ENOX1: variants seen among roughly 807,000 people sequenced by gnomAD.
ENOX1 encodes ecto-NOX disulfide-thiol exchanger 1.
Under a neutral mutation model 82.5 loss-of-function variants are expected in ENOX1, and 42 were observed. The ratio of observed to expected loss-of-function variants is 0.51; its 90% CI spans 0.40 to 0.66. ENOX1 has a LOEUF of 0.66. ENOX1 is among the 30% of genes least tolerant of loss of function. The probability of loss-of-function intolerance (pLI) is 0.00; values close to 1 mark genes in which losing one functional copy is unlikely to be tolerated. For synonymous variants in ENOX1, 271 were observed against 282.2 expected, an observed-to-expected ratio of 0.96 and a Z score of 0.40; for missense variants, 608 against 811.6, an observed-to-expected ratio of 0.75 and a Z score of 3.05.
chr13:43,742,457 G>C (rs1448440206), intron 1 of ENOX1, among the ~76,000 whole-genome samples: 1 of 152,088 alleles, frequency 6.6e-6, no homozygotes, highest in Non-Finnish European at 1.5e-5. Context: ...GTGAGTGTGA[G>C]AGTGTGTTAG....
At chr13:43,747,310 C>T (rs1349071710) in intron 1 of ENOX1, among the ~76,000 whole-genome samples, 2 of 152,034 alleles carry the variant, frequency 1.3e-5, no homozygotes, top group African/African-American at 4.8e-5. Context: ...TTATTGTGCA[C>T]AAAAAGAAGG....
At chr13:43,517,693 AT>A (rs1369129862) in intron 2 of ENOX1, among the ~76,000 whole-genome samples, 2 of 152,124 alleles carry the variant, frequency 1.3e-5, no homozygotes, top group African/African-American at 4.8e-5. Flanking sequence ...TATGGTCTGA[AT>A]GTGTGTGTCT....
At chr13:43,747,205 C>A (rs898741276) in intron 1 of ENOX1, among the ~76,000 whole-genome samples, 1 of 152,120 alleles carries the variant, frequency 6.6e-6, no homozygotes, top group Admixed American at 6.5e-5. Context: ...AAGTAACAAA[C>A]AACTGAGAGC....
At chr13:43,735,611 C>G (rs61960103) in intron 1 of ENOX1, among the ~76,000 whole-genome samples, 8,863 of 152,176 alleles carry the variant, frequency 0.058, 359 homozygotes, top group Non-Finnish European at 0.088. Flanking sequence ...GTCCCAGCTA[C>G]TTGGGAGGCT....
At chr13:43,261,251 G>C (rs2044039567) in intron 14 of ENOX1, among the ~76,000 whole-genome samples, 1 of 152,160 alleles carries the variant, frequency 6.6e-6, no homozygotes, top group Non-Finnish European at 1.5e-5. Context: ...TTGAGACTAA[G>C]ACAAATGAGG....
At chr13:43,560,270 A>C (rs1403565878) in intron 2 of ENOX1, among the ~76,000 whole-genome samples, 3 of 152,126 alleles carry the variant, frequency 2.0e-5, no homozygotes, top group Non-Finnish European at 4.4e-5. Context: ...CTTTTAGGTT[A>C]CTTCTGAGTT....
intron 1 of ENOX1, among the ~76,000 whole-genome samples, chr13:43,710,824 A>G (rs1354242648): frequency 2.0e-5 from 3 of 152,006 alleles, no homozygotes; most frequent in Non-Finnish European, 4.4e-5. Context: ...AACAATAATC[A>G]AGTAGAAAAA....
chr13:43,782,968 G>A (rs1307079863), intron 1 of ENOX1, among the ~76,000 whole-genome samples: 1 of 152,156 alleles, frequency 6.6e-6, no homozygotes, highest in Non-Finnish European at 1.5e-5. Context: ...CAGGGACACA[G>A]GCACCCCACA....
intron 2 of ENOX1, among the ~76,000 whole-genome samples, chr13:43,496,554 A>G (rs1205706788): frequency 6.6e-6 from 1 of 151,572 alleles, no homozygotes; most frequent in African/African-American, 2.4e-5. Flanking sequence ...AGCTACTTTG[A>G]CTATTTATTT....
intron 1 of ENOX1, among the ~76,000 whole-genome samples, chr13:43,703,935 C>A (rs1028484363): frequency 6.6e-6 from 1 of 151,852 alleles, no homozygotes; most frequent in Non-Finnish European, 1.5e-5. Flanking sequence ...ATCCCTTCCT[C>A]ATGCTCAAAC....
intron 12 of ENOX1, among the ~76,000 whole-genome samples, chr13:43,282,523 G>A (rs1055500104): frequency 1.3e-4 from 19 of 149,978 alleles, no homozygotes; most frequent in Non-Finnish European, 2.2e-4. Flanking sequence ...CTGCAGCCTC[G>A]ACCTCCTAGG....
At chr13:43,555,654 T>A (rs886508362) in intron 2 of ENOX1, among the ~76,000 whole-genome samples, 1 of 152,166 alleles carries the variant, frequency 6.6e-6, no homozygotes, top group African/African-American at 2.4e-5. Context: ...TCAGTCTACC[T>A]ACATGGAAGC....
intron 11 of ENOX1, among the ~76,000 whole-genome samples, chr13:43,316,747 C>G (rs1027104993): frequency 4.0e-5 from 6 of 151,156 alleles, no homozygotes; most frequent in Non-Finnish European, 8.8e-5. Context: ...TATTTGAATT[C>G]CTTGGGCAAG....
chr13:43,302,756 C>T (rs766774801), intron 11 of ENOX1, among the ~76,000 whole-genome samples: 95 of 152,082 alleles, frequency 6.2e-4, no homozygotes, highest in Admixed American at 2.1e-3. Context: ...ACTGTGTTTC[C>T]ATGGGAACAG....
At chr13:43,574,410 T>G (rs1196925407) in intron 2 of ENOX1, among the ~76,000 whole-genome samples, 1 of 152,156 alleles carries the variant, frequency 6.6e-6, no homozygotes, top group African/African-American at 2.4e-5. Flanking sequence ...GAAAGAATCC[T>G]TTCAGCCTGA....
At chr13:43,682,828 T>C (rs1416295646) in intron 1 of ENOX1, among the ~76,000 whole-genome samples, 1 of 152,142 alleles carries the variant, frequency 6.6e-6, no homozygotes, top group Non-Finnish European at 1.5e-5. Context: ...CAATTAGATT[T>C]AAGGTGCTTT....
intron 2 of ENOX1, among the ~76,000 whole-genome samples, chr13:43,612,982 T>C (rs1162344040): frequency 6.6e-6 from 1 of 152,174 alleles, no homozygotes. Context: ...AATTTGATAT[T>C]TGATGATGGC....
intron 13 of ENOX1, among the ~76,000 whole-genome samples, chr13:43,267,226 G>A (rs1593613875): frequency 6.6e-6 from 1 of 152,144 alleles, no homozygotes; most frequent in South Asian, 2.1e-4. Flanking sequence ...TCTCCCCCAG[G>A]TAGGGCTGAA....
chr13:43,620,937 G>A (rs1248354285), intron 2 of ENOX1, among the ~76,000 whole-genome samples: 1 of 152,096 alleles, frequency 6.6e-6, no homozygotes, highest in Non-Finnish European at 1.5e-5. Flanking sequence ...CCAGTGTTAG[G>A]TGCATGTATG....
Sources: allele counts gnomAD v4.1 joint callset (sites outside exome capture counted in the v4.1 genomes callset), GRCh38; gene constraint gnomAD v4.1.1; transcripts MANE v1.5; gene names NCBI Gene and HGNC (gene_info 2026-07-23, HGNC 2026-07-21).